The following CSMD1 variants were observed in gnomAD, a reference collection of about 807,000 sequenced individuals.
CSMD1 encodes CUB and sushi domain-containing protein 1.
A neutral mutation model predicts 417.5 loss-of-function variants in CSMD1; 213 were observed. That is an observed-to-expected ratio of 0.51 (90% CI 0.46 to 0.57). The LOEUF (loss-of-function observed/expected upper bound fraction) is 0.57, where lower values mean the gene tolerates loss of function less well. Ranked by LOEUF, CSMD1 falls within the 20% of genes least tolerant of loss-of-function variation. CSMD1 has a pLI of 0.00. For missense variants in CSMD1, 6,923 were observed against 4,529.7 expected (o/e 1.53, Z -15.17); for synonymous variants, 2,862 against 1,736.8 (o/e 1.65, Z -16.11).
At chr8:4,390,430 A>C (rs1803764591) in intron 3 of CSMD1, among the ~76,000 whole-genome samples, 1 of 152,106 alleles carries the variant, frequency 6.6e-6, no homozygotes. Context: ...AGATATGATA[A>C]ATGACATATT....
Position 3,029,402 on chromosome 8 carries a change from C to A in CSMD1, c.7772G>T (p.Gly2591Val), listed in dbSNP as rs1810183616. 1 of 1,612,144 alleles carries A rather than the reference C, an allele frequency of 6.2e-7. No individual in the cohort carries two copies. The highest frequency in any genetic ancestry group is 8.5e-7 in the Non-Finnish European group (1 of 1,179,508). The part of the protein sequence containing the change: ...GAQVLLSCSP[G>V]YYLEGWRLLR... ...GAGCCTCCAGCCTTCTAAGTAGTAA[C>A]CAGGACTGCAGCTCAGCAATACTTG... is the stretch of plus-strand genomic sequence containing the variant. The change falls in exon 51 of 70, where the codon GGT becomes GTT. Residue 2591 changes from glycine to valine, a missense_variant. By Grantham distance (109) the Gly-to-Val change is moderately radical. Transcript: ENST00000635120.
chr8:4,168,974 G>T (rs75875091), intron 3 of CSMD1, among the ~76,000 whole-genome samples: 1 of 152,030 alleles, frequency 6.6e-6, no homozygotes, highest in African/African-American at 2.4e-5. Flanking sequence ...TCCTCAGGCC[G>T]TTCTCCTCAT....
chr8:3,530,689 G>T (rs1478085633), intron 10 of CSMD1, among the ~76,000 whole-genome samples: 1 of 151,688 alleles, frequency 6.6e-6, no homozygotes, highest in Non-Finnish European at 1.5e-5. Flanking sequence ...CGCCACCACA[G>T]CCAGCTAATT....
chr8:4,897,393 G>GA (rs1563704407), intron 1 of CSMD1, among the ~76,000 whole-genome samples: 1 of 151,984 alleles, frequency 6.6e-6, no homozygotes, highest in East Asian at 1.9e-4. Flanking sequence ...CATTCAACAG[G>GA]AAAAAAGTTA....
chr8:3,976,813 T>C (rs1283865648), intron 5 of CSMD1, among the ~76,000 whole-genome samples: 1 of 152,198 alleles, frequency 6.6e-6, no homozygotes, highest in African/African-American at 2.4e-5. Flanking sequence ...GCCTGTAGAA[T>C]AGCATCTGTG....
chr8:4,192,433 T>C (rs17069312), intron 3 of CSMD1, among the ~76,000 whole-genome samples: 4,238 of 152,134 alleles, frequency 0.028, 214 homozygotes, highest in African/African-American at 0.096. Flanking sequence ...ATCAGAATTA[T>C]ACCTTCCTCT....
chr8:2,956,673 G>A (rs1722259476), intron 63 of CSMD1, among the ~76,000 whole-genome samples: 1 of 151,856 alleles, frequency 6.6e-6, no homozygotes, highest in African/African-American at 2.4e-5. Context: ...AGCCAGGATG[G>A]TCTCGATCTC....
intron 5 of CSMD1, among the ~76,000 whole-genome samples, chr8:3,975,698 C>A (rs1813386058): frequency 1.3e-5 from 2 of 152,182 alleles, no homozygotes; most frequent in Admixed American, 1.3e-4. Flanking sequence ...GATTTAAAAG[C>A]CATGGTTGAC....
At chr8:3,836,242 G>A (rs1193536998) in intron 5 of CSMD1, among the ~76,000 whole-genome samples, 2 of 151,792 alleles carry the variant, frequency 1.3e-5, no homozygotes, top group Non-Finnish European at 2.9e-5. Flanking sequence ...TTAATATTTG[G>A]TTATCTGCTC....
chr8:4,921,669 T>G (rs1806507461), intron 1 of CSMD1, among the ~76,000 whole-genome samples: 1 of 151,960 alleles, frequency 6.6e-6, no homozygotes, highest in Non-Finnish European at 1.5e-5. Flanking sequence ...AAGTGATGGG[T>G]GTGTGTGTGT....
At chr8:4,702,561 C>T (rs1330249661) in intron 1 of CSMD1, among the ~76,000 whole-genome samples, 11 of 152,146 alleles carry the variant, frequency 7.2e-5, no homozygotes, top group Admixed American at 7.2e-4. Context: ...AATTATAAAT[C>T]ATCTGAAAGG....
At chr8:3,661,134 A>T (rs1798396957) in intron 7 of CSMD1, among the ~76,000 whole-genome samples, 2 of 152,202 alleles carry the variant, frequency 1.3e-5, no homozygotes, top group South Asian at 2.1e-4. Context: ...TAGCCTGAGG[A>T]GAACTCCGTA....
rs73514618 is a variant in CSMD1, at chr8:4,464,186, C to G, written c.303-44121G>C. Among the ~76,000 whole-genome samples, 802 of 152,282 alleles carry G rather than the reference C, an allele frequency of 5.3e-3. 2 individuals are homozygous for G. Among genetic ancestry groups the G allele is most frequent in the African/African-American group, 0.018 (754 of 41,572 alleles). On this transcript the variant is annotated intron_variant, in intron 2 of 69. Coordinates refer to ENST00000635120, the MANE Select transcript of CSMD1 (RefSeq NM_033225.6). ...TCCTCTCTACTTCACTTACAGGACT[C>G]TAATTTAGCCTTCCAAGACCCAGTT...
intron 26 of CSMD1, among the ~76,000 whole-genome samples, chr8:3,254,047 G>A (rs1248505647): frequency 6.6e-6 from 1 of 152,168 alleles, no homozygotes; most frequent in Non-Finnish European, 1.5e-5. Context: ...GCTTCCTTCA[G>A]GAGCTCTTGT....
At chr8:2,943,655 C>G (rs1341353615) in intron 68 of CSMD1, among the ~76,000 whole-genome samples, 1 of 152,186 alleles carries the variant, frequency 6.6e-6, no homozygotes, top group East Asian at 1.9e-4. Flanking sequence ...GCAATAAAAA[C>G]TCAAATCCAC....
chr8:4,826,311 G>C (rs192219200), intron 1 of CSMD1, among the ~76,000 whole-genome samples: 3 of 151,778 alleles, frequency 2.0e-5, no homozygotes, highest in Admixed American at 1.3e-4. Flanking sequence ...GTGTATATAT[G>C]TGTGTGTGTG....
chr8:4,260,306 CT>C (rs1455953568), intron 3 of CSMD1, among the ~76,000 whole-genome samples: 5 of 152,194 alleles, frequency 3.3e-5, no homozygotes, highest in African/African-American at 1.2e-4. Context: ...TCAATTTCCT[CT>C]TTTATGATGT....
At chr8:4,616,056 G>C (rs1801457296) in intron 2 of CSMD1, among the ~76,000 whole-genome samples, 1 of 152,086 alleles carries the variant, frequency 6.6e-6, no homozygotes. Context: ...CTACCCAATA[G>C]TCTGGAGTGT....
At chr8:3,731,474 G>T (rs73501497) in intron 6 of CSMD1, among the ~76,000 whole-genome samples, 12 of 152,054 alleles carry the variant, frequency 7.9e-5, no homozygotes, top group African/African-American at 2.7e-4. Flanking sequence ...AATTCAATCC[G>T]AAACTTGCCC....
Sources: gnomAD v4.1 joint callset for allele counts (sites outside exome capture counted in the v4.1 genomes callset) on GRCh38, gnomAD v4.1.1 for gene constraint, MANE v1.5 for transcripts, NCBI Gene and HGNC (gene_info 2026-07-23, HGNC 2026-07-21) for gene names.